CBX3: variants seen among roughly 807,000 people sequenced by gnomAD.
CBX3 encodes chromobox protein homolog 3.
CBX3 carries 5 observed loss-of-function variants against 22.6 expected under a neutral mutation model. The ratio of observed to expected loss-of-function variants is 0.22; its 90% CI spans 0.12 to 0.47. The LOEUF (loss-of-function observed/expected upper bound fraction) is 0.47. CBX3 is among the 20% of genes least tolerant of loss of function. The probability of loss-of-function intolerance (pLI) is 0.99; values close to 1 mark genes in which losing one functional copy is unlikely to be tolerated. For synonymous variants in CBX3, 50 were observed against 66.6 expected (o/e 0.75, Z 1.21); for missense variants, 83 against 208.1 (o/e 0.40, Z 3.70).
At chr7:26,203,359 A>G (rs550872875) in intron 2 of CBX3, among the ~76,000 whole-genome samples, 1 of 152,300 alleles carries the variant, frequency 6.6e-6, no homozygotes, top group South Asian at 2.1e-4. Context: ...TGGTTGGCAT[A>G]ATTTTTCTTA....
rs1482667092 is a variant in CBX3 at position 26,213,135 on chromosome 7, G to C, written c.*927G>C. ...CAGTTTAGGACCTGCTGTCATAAAT[G>C]TGTGAACAACCTTTTGTAACCTAAC... On this transcript the variant is annotated 3_prime_UTR_variant, in exon 6 of 6. Transcript: ENST00000396386. The C allele has an allele frequency of 3.3e-5, 5 of 152,604 alleles. No individual in the cohort carries two copies. Among genetic ancestry groups the C allele is most frequent in the Admixed American group, 2.0e-4 (3 of 15,284 alleles). 9.5% of individuals were successfully genotyped at this position (152,604 alleles called of 1,614,324 possible).
chr7:26,206,089 T>A (rs1301755941), intron 2 of CBX3: 1 of 302,188 alleles, frequency 3.3e-6, no homozygotes, highest in Non-Finnish European at 6.2e-6. Context: ...TGAGACCCTG[T>A]CTCAAAAAAA....
At chr7:26,208,921 T>A (rs1784742996) in intron 4 of CBX3, among the ~76,000 whole-genome samples, 1 of 92,144 alleles carries the variant, frequency 1.1e-5, no homozygotes, top group Admixed American at 1.1e-4. Context: ...CCTGGCCTTT[T>A]TTTTTTTTTT....
In CBX3 at chr7:26,212,582, T is replaced by TTTTTTGTGTGTGTG. The variant is rs879214653; in HGVS notation, c.*375_*376insTTTTGTGTGTGTGT. Reference sequence around the variant, plus strand: ...CCATTCTAGATTTATTACGTGTTTTTTGTGTGTGTGTGTGTGTGTGTGTGT... The same window carrying TTTTTTGTGTGTGTG: ...CCATTCTAGATTTATTACGTGTTTTTTTTTTGTGTGTGTGTGTGTGTGTGTGTGTGTGTGTGTGT... On this transcript the variant is annotated 3_prime_UTR_variant, in exon 6 of 6. Transcript: ENST00000396386. The TTTTTTGTGTGTGTG allele has an allele frequency of 1.0e-4, 11 of 109,148 alleles. No individual in the cohort carries two copies. The highest frequency in any genetic ancestry group is 3.4e-4 in the African/African-American group (10 of 29,204). 6.8% of individuals were successfully genotyped at this position (109,148 alleles called of 1,614,324 possible).
intron 1 of CBX3, 130 bp downstream of exon 1, chr7:26,201,956 G>A (rs1463893341): frequency 6.6e-6 from 1 of 151,750 alleles, no homozygotes; most frequent in Non-Finnish European, 1.5e-5. Context: ...GGAGCTGCGG[G>A]AAGGAGTGGA....
chr7:26,207,912 G>T (rs1364426574), intron 3 of CBX3, among the ~76,000 whole-genome samples: 2 of 151,830 alleles, frequency 1.3e-5, no homozygotes, highest in East Asian at 3.9e-4. Context: ...TCTCAGGGTA[G>T]CAAATTAGAA....
At position 26,213,011 on chromosome 7, in the gene CBX3, T is replaced by C. The variant is rs1478496628; in HGVS notation, c.*803T>C. 1.3e-5 allele frequency: 2 copies of C among 152,300 alleles called. No individual in the cohort carries two copies. The highest frequency in any genetic ancestry group is 6.5e-5 in the Admixed American group (1 of 15,288). The allele number at this position is 152,300 out of a possible 1,614,324, so 9.4% of individuals were successfully genotyped here. A position where few individuals can be genotyped will look rare whatever the true frequency, so the allele number is the denominator to read the frequency against. ...CCTAGCGGGCCATTCCTTAGCAAAA[T>C]GTTGGAATCCCTGTTGCTACATTGA... is the stretch of plus-strand genomic sequence containing the variant. On this transcript the variant is annotated 3_prime_UTR_variant, in exon 6 of 6. Transcript: ENST00000396386.
chr7:26,202,631 G>C (rs1193422236), intron 1 of CBX3: 1 of 257,364 alleles, frequency 3.9e-6, no homozygotes, highest in African/African-American at 2.3e-5. Context: ...GGGTAATCGT[G>C]CCTGGTTTTA....
At chr7:26,203,240 T>G (rs1321689993) in intron 2 of CBX3, among the ~76,000 whole-genome samples, 2 of 152,238 alleles carry the variant, frequency 1.3e-5, no homozygotes, top group Non-Finnish European at 2.9e-5. Context: ...AAGGCTAATC[T>G]TTGAAGGACA....
At chr7:26,204,584 G>T (rs1784632721) in intron 2 of CBX3, among the ~76,000 whole-genome samples, 1 of 152,122 alleles carries the variant, frequency 6.6e-6, no homozygotes, top group Non-Finnish European at 1.5e-5. Flanking sequence ...TTACCTATAT[G>T]CTTGCATAGC....
At chr7:26,205,818 G>A (rs1423963082) in intron 2 of CBX3, among the ~76,000 whole-genome samples, 1 of 152,236 alleles carries the variant, frequency 6.6e-6, no homozygotes, top group Non-Finnish European at 1.5e-5. Context: ...GGGCGCAGTG[G>A]CTCACGCCTG....
rs1256192526 is a variant in CBX3 at position 26,207,665 on chromosome 7, C to T, written c.168-728C>T. 1.5e-4 allele frequency among the ~76,000 whole-genome samples: 23 copies of T among 151,998 alleles called. 1 individual carries two copies. The highest frequency in any genetic ancestry group is 1.5e-3 in the Admixed American group (23 of 15,262). On this transcript the variant is annotated intron_variant, in intron 3 of 5. Coordinates refer to ENST00000396386, the MANE Select transcript of CBX3 (RefSeq NM_016587.4). ...TCCTGAGTAGCTGGGACTACAGGCG[C>T]CTGCCACTATGCCCGGCTAATTTTT...
intron 4 of CBX3, among the ~76,000 whole-genome samples, chr7:26,210,804 A>G (rs1045484344): frequency 5.3e-5 from 8 of 152,300 alleles, no homozygotes; most frequent in South Asian, 4.1e-4. Context: ...TTACTTAAAC[A>G]CATTTGATTG....
chr7:26,209,535 A>G (rs1398338355), intron 4 of CBX3, among the ~76,000 whole-genome samples: 1 of 152,208 alleles, frequency 6.6e-6, no homozygotes, highest in Non-Finnish European at 1.5e-5. Flanking sequence ...CATCAATGGC[A>G]TTGACCACCG....
chr7:26,204,570 T>TG (rs1358753395), intron 2 of CBX3, among the ~76,000 whole-genome samples: 1 of 152,218 alleles, frequency 6.6e-6, no homozygotes, highest in Non-Finnish European at 1.5e-5. Flanking sequence ...TGTGTGTGTA[T>TG]GTGTTACCTA....
At chr7:26,206,562 T>G in intron 3 of CBX3, 52 bp downstream of exon 3, 1 of 1,572,390 alleles carries the variant, frequency 6.4e-7, no homozygotes, top group Non-Finnish European at 8.7e-7. Context: ...GCTAAGTGGT[T>G]TTAGAATTTG....
intron 3 of CBX3, among the ~76,000 whole-genome samples, chr7:26,207,177 G>C (rs1418216550): frequency 6.6e-6 from 1 of 152,182 alleles, no homozygotes; most frequent in African/African-American, 2.4e-5. Context: ...TCAATTTCCT[G>C]AGCACGCTGG....
At chr7:26,210,687 C>T (rs1056347827) in intron 4 of CBX3, 2 of 151,874 alleles carry the variant, frequency 1.3e-5, no homozygotes, top group Non-Finnish European at 2.9e-5. Flanking sequence ...ATTATCAATA[C>T]TAACAGTAGA....
chr7:26,202,697 T>A (rs943725059), intron 1 of CBX3: 8 of 402,130 alleles, frequency 2.0e-5, no homozygotes, highest in African/African-American at 1.7e-4. Context: ...AAATGGGACT[T>A]AGATTGGAAA....
Sources: allele counts gnomAD v4.1 joint callset (sites outside exome capture counted in the v4.1 genomes callset), GRCh38; gene constraint gnomAD v4.1.1; transcripts MANE v1.5; gene names NCBI Gene and HGNC (gene_info 2026-07-23, HGNC 2026-07-21).